ABR: variants seen among roughly 807,000 people sequenced by gnomAD.
The protein encoded by ABR is ABR activator of RhoGEF and GTPase, also known as active breakpoint cluster region-related protein.
ABR carries 35 observed loss-of-function variants against 107.2 expected under a neutral mutation model. That is an observed-to-expected ratio of 0.33 (90% confidence interval 0.25 to 0.43). The LOEUF is 0.43. Ranked by LOEUF, ABR falls within the 20% of genes least tolerant of loss-of-function variation. The pLI is 1.00. For synonymous variants in ABR, 498 were observed against 462.0 expected (o/e 1.08, Z -1.00); for missense variants, 815 against 1,115.2 (o/e 0.73, Z 3.83).
chr17:1,174,240 G>A (rs868239788), intron 1 of ABR, among the ~76,000 whole-genome samples: 1 of 152,178 alleles, frequency 6.6e-6, no homozygotes, highest in South Asian at 2.1e-4. Flanking sequence ...TAATTCTTCT[G>A]CCAGCCCCAC....
chr17:1,108,921 G>C, intron 2 of ABR: 2 of 1,583,742 alleles, frequency 1.3e-6, no homozygotes, highest in Non-Finnish European at 1.7e-6. Flanking sequence ...CCCAGGGCGT[G>C]TCACGCTCCC....
At chr17:1,090,401 T>G (rs1413392561) in intron 4 of ABR, among the ~76,000 whole-genome samples, 28 of 138,178 alleles carry the variant, frequency 2.0e-4, no homozygotes, top group South Asian at 7.1e-4. Flanking sequence ...GAGGTGGGGG[T>G]GGGAGGTGAG....
intron 1 of ABR, among the ~76,000 whole-genome samples, chr17:1,186,056 C>G (rs1373788996): frequency 6.6e-6 from 1 of 152,164 alleles, no homozygotes; most frequent in African/African-American, 2.4e-5. Flanking sequence ...AGGCTGGTCT[C>G]GAACTCCCAA....
chr17:1,156,142 G>GC (rs943553415), intron 1 of ABR: 4 of 151,608 alleles, frequency 2.6e-5, no homozygotes, highest in Non-Finnish European at 4.4e-5. Flanking sequence ...AGACACCCAT[G>GC]CCCACCAGCC....
At chr17:1,201,090 T>G (rs1312828094) in intron 1 of ABR, among the ~76,000 whole-genome samples, 2 of 152,180 alleles carry the variant, frequency 1.3e-5, no homozygotes, top group African/African-American at 4.8e-5. Flanking sequence ...CAAACCCTGA[T>G]AGGAATAAAA....
At chr17:1,065,980 G>A (rs2034696730) in intron 10 of ABR, among the ~76,000 whole-genome samples, 1 of 152,070 alleles carries the variant, frequency 6.6e-6, no homozygotes, top group Non-Finnish European at 1.5e-5. Flanking sequence ...CCTGACCTCA[G>A]GTGACCTGCC....
At chr17:1,146,293 A>ACACAT (rs1555603601) in intron 1 of ABR, among the ~76,000 whole-genome samples, 1 of 148,844 alleles carries the variant, frequency 6.7e-6, no homozygotes, top group East Asian at 2.0e-4. Context: ...ACACACACAC[A>ACACAT]CACATCACAT....
At position 1,084,263 on chromosome 17, in the gene ABR, G is replaced by C. The variant is rs531518592; in HGVS notation, c.532-636C>G. ...ATGGTGGCGCGTGCCTGTAATCCCA[G>C]GTACTCAGGAGAATGAGGCAGGAGA... On this transcript the variant is annotated intron_variant, in intron 4 of 22. Coordinates refer to ENST00000302538, the MANE Select transcript of ABR (RefSeq NM_021962.5). The surrounding 1 kb of genome is among the most constrained non-coding windows in gnomAD (Gnocchi z 4.2). Among the ~76,000 whole-genome samples the C allele has an allele frequency of 8.5e-5, 13 of 152,348 alleles. No homozygotes were observed. Among genetic ancestry groups the C allele is most frequent in the African/African-American group, 3.1e-4 (13 of 41,586 alleles).
chr17:1,034,798 C>A (rs2073044520), intron 16 of ABR, among the ~76,000 whole-genome samples: 1 of 152,136 alleles, frequency 6.6e-6, no homozygotes, highest in South Asian at 2.1e-4. Flanking sequence ...GTCCCCTTCC[C>A]TCGGGCTGGG....
At chr17:1,066,616 C>T (rs1438894950) in intron 10 of ABR, among the ~76,000 whole-genome samples, 3 of 152,046 alleles carry the variant, frequency 2.0e-5, no homozygotes, top group Non-Finnish European at 2.9e-5. Context: ...GCAACCTCCA[C>T]CTCCCGGGTT....
chr17:1,185,658 A>AT (rs199593626), intron 1 of ABR, among the ~76,000 whole-genome samples: 4,877 of 140,268 alleles, frequency 0.035, 179 homozygotes, highest in East Asian at 0.13. Flanking sequence ...AAGAAATAAA[A>AT]AAAAAAAAAA....
intron 1 of ABR, among the ~76,000 whole-genome samples, chr17:1,153,457 C>G (rs944035730): frequency 1.4e-5 from 2 of 141,518 alleles, no homozygotes; most frequent in African/African-American, 2.7e-5. Context: ...CCAGGCACAC[C>G]TGCGGGAGGG....
chr17:1,085,190 A>G lies in ABR; in HGVS notation c.532-1563T>C, dbSNP rs1288158919. 1.0e-4 allele frequency among the ~76,000 whole-genome samples: 14 copies of G among 136,844 alleles called. No individual in the cohort carries two copies. The Admixed American group carries it at 1.1e-3, about 11-fold the overall frequency. 89.8% of individuals were successfully genotyped at this position (136,844 alleles called of 152,430 possible). ...TGCAGTGATGCCATCTCGGCTCACT[A>G]CAAGCTCCACCTCCCAGGTTCGCGC... On this transcript the variant is annotated intron_variant, in intron 4 of 22. Coordinates refer to ENST00000302538, the MANE Select transcript of ABR (RefSeq NM_021962.5).
chr17:1,037,823 G>A lies in ABR; in HGVS notation c.1791+12227C>T, dbSNP rs774839152. ...AACACCTCCCTTCCACCCAAGCTCC[G>A]AGCTCATGGTGGCCAGAAGCAAAGC... is the stretch of plus-strand genomic sequence containing the variant. On this transcript the variant is annotated intron_variant, in intron 16 of 22. Transcript: ENST00000302538. This position sits in a 1 kb window ranked among gnomAD's most constrained non-coding sequence, Gnocchi z 4.6. 4.6e-5 allele frequency among the ~76,000 whole-genome samples: 7 copies of A among 152,042 alleles called. No individual in the cohort carries two copies. The highest frequency in any genetic ancestry group is 3.9e-4 in the East Asian group (2 of 5,174).
Position 1,009,765 on chromosome 17 carries a change from G to A in ABR, c.2256C>T (p.Ala752=), listed in dbSNP as rs2070376330. Reference sequence around the variant, plus strand: ...GCAGGTGCATCATGCAGTTTTCCTTGGCAGCAGGGTCTGACAGGGCTGTGG... The same window carrying A: ...GCAGGTGCATCATGCAGTTTTCCTTAGCAGCAGGGTCTGACAGGGCTGTGG... The part of the protein sequence containing the change: ...MEGIALSDPA[A]KENCMMHLLR... Residue 752 remains alanine, a synonymous_variant, in exon 21 of 23, where the codon GCC becomes GCT. Transcript: ENST00000302538. 1 of 1,614,068 alleles carries A rather than the reference G, an allele frequency of 6.2e-7. No homozygotes were observed. Among genetic ancestry groups the A allele is most frequent in the Middle Eastern group, 1.6e-4 (1 of 6,062 alleles).
chr17:1,179,773 G>A lies in ABR; in HGVS notation c.-46C>T. 2 of 443,872 alleles carry A rather than the reference G, an allele frequency of 4.5e-6. No individual in the cohort carries two copies. The highest frequency in any genetic ancestry group is 1.9e-5 in the South Asian group (1 of 51,486). 27.5% of individuals were successfully genotyped at this position (443,872 alleles called of 1,614,324 possible). A position where few individuals can be genotyped will look rare whatever the true frequency, so the allele number is the denominator to read the frequency against. ...AGATCCGAAACCCGACCCTCATCGCGCAACAAAGGAGGGAGAGCGGGCGGG... is the reference window on the plus strand; with the variant it reads ...AGATCCGAAACCCGACCCTCATCGCACAACAAAGGAGGGAGAGCGGGCGGG... On this transcript the variant is annotated 5_prime_UTR_variant, in exon 1 of 23. Transcript: ENST00000302538. The surrounding 1 kb of genome is among the most constrained non-coding windows in gnomAD (Gnocchi z 4.9).
At chr17:1,152,052 G>A (rs1436575852) in intron 1 of ABR, among the ~76,000 whole-genome samples, 1 of 149,882 alleles carries the variant, frequency 6.7e-6, no homozygotes, top group Non-Finnish European at 1.5e-5. Context: ...CACTTTGGGA[G>A]GCCAAAGCAG....
chr17:1,218,623 C>T (rs1325938645), intron 1 of ABR, among the ~76,000 whole-genome samples: 1 of 152,182 alleles, frequency 6.6e-6, no homozygotes, highest in Non-Finnish European at 1.5e-5. Context: ...TGGGAACATA[C>T]TGATTAAAGT....
chr17:1,227,474 G>A (rs368453134), intron 1 of ABR, among the ~76,000 whole-genome samples: 1 of 152,258 alleles, frequency 6.6e-6, no homozygotes, highest in African/African-American at 2.4e-5. Flanking sequence ...ATTGCCTGTG[G>A]GAAACACAGC....
Sources: gnomAD v4.1 joint callset for allele counts (sites outside exome capture counted in the v4.1 genomes callset) on GRCh38, gnomAD v4.1.1 for gene constraint, Gnocchi (gnomAD v3.1) non-coding constraint, MANE v1.5 for transcripts, NCBI Gene and HGNC (gene_info 2026-07-23, HGNC 2026-07-21) for gene names.